The following THRAP3 variants were observed in gnomAD, a reference collection of about 807,000 sequenced individuals.
THRAP3 encodes thyroid hormone receptor associated protein 3, also known as thyroid hormone receptor-associated protein 3.
In THRAP3, 16 loss-of-function variants were observed where a neutral mutation model predicts 101.0. That is an observed-to-expected ratio of 0.16 (90% CI 0.11 to 0.24). The LOEUF (loss-of-function observed/expected upper bound fraction) is 0.24. THRAP3 is among the 10% of genes least tolerant of loss of function. The pLI is 1.00. For missense variants in THRAP3, 989 were observed against 1,202.7 expected (o/e 0.82, Z 2.63); for synonymous variants, 407 against 422.6 (o/e 0.96, Z 0.45).
intron 1 of THRAP3, among the ~76,000 whole-genome samples, chr1:36,247,508 T>G (rs1175415392): frequency 6.6e-6 from 1 of 151,914 alleles, no homozygotes; most frequent in Non-Finnish European, 1.5e-5. Flanking sequence ...GTATTTTTAG[T>G]AAAGATGGGG....
rs1645807106 is a variant in THRAP3, at chr1:36,287,148, T to A, written c.918T>A (p.Ser306=). 5.6e-6 allele frequency: 9 copies of A among 1,614,102 alleles called. No homozygotes were observed. The highest frequency in any genetic ancestry group is 3.4e-6 in the Non-Finnish European group (4 of 1,180,054). The change falls in exon 4 of 12, where the codon TCT becomes TCA. Residue 306 remains serine, a synonymous_variant. Transcript: ENST00000354618. ...ACCAAGGTCAGTTCGACCATGGTTC[T>A]GGGTCCCTGAGTCCATCCAAAAAGA... is the stretch of plus-strand genomic sequence containing the variant. ...GTHQGQFDHG[S]GSLSPSKKSP... is the part of the protein sequence containing the mutation.
chr1:36,291,352 C>G (rs190134139), intron 5 of THRAP3, 22 bp from the exon 6 acceptor site: 1 of 1,609,366 alleles, frequency 6.2e-7, no homozygotes, highest in East Asian at 2.2e-5. Context: ...TCTAATTGGG[C>G]CTCCCCATAT....
chr1:36,284,135 A>T (rs182537589), intron 3 of THRAP3, among the ~76,000 whole-genome samples: 4 of 152,350 alleles, frequency 2.6e-5, no homozygotes, highest in Admixed American at 2.6e-4. Flanking sequence ...AGGCTATGCA[A>T]CCAAAACTGA....
chr1:36,255,606 TAAAAATACAA>T (rs1049661790), intron 1 of THRAP3, among the ~76,000 whole-genome samples: 1 of 151,140 alleles, frequency 6.6e-6, no homozygotes, highest in Admixed American at 6.6e-5. Context: ...CTGTCTCTAC[TAAAAATACAA>T]AAAAAAAATA....
intron 1 of THRAP3, among the ~76,000 whole-genome samples, chr1:36,226,135 G>A (rs1439070986): frequency 1.3e-5 from 2 of 152,100 alleles, no homozygotes; most frequent in Non-Finnish European, 2.9e-5. Context: ...TGCAAAATAT[G>A]GATTACAAAA....
chr1:36,303,537 AATC>A (rs1440276383), intron 11 of THRAP3, among the ~76,000 whole-genome samples: 3 of 152,154 alleles, frequency 2.0e-5, no homozygotes, highest in African/African-American at 2.4e-5. Context: ...TTGCTCAGTG[AATC>A]ATCATCATTG....
the THRAP3 span, among the ~76,000 whole-genome samples, chr1:36,212,482 G>A: frequency 6.8e-6 from 1 of 146,914 alleles, no homozygotes. Flanking sequence ...GTGCAGTGGC[G>A]CGATCTCGGC....
At chr1:36,261,558 A>G (rs1332916375) in intron 2 of THRAP3, among the ~76,000 whole-genome samples, 1 of 152,072 alleles carries the variant, frequency 6.6e-6, no homozygotes, top group Non-Finnish European at 1.5e-5. Flanking sequence ...AAAATAAAAA[A>G]TTAGAGCCAT....
the THRAP3 span, among the ~76,000 whole-genome samples, chr1:36,219,277 C>T: frequency 9.2e-5 from 14 of 152,014 alleles, no homozygotes; most frequent in African/African-American, 1.7e-4. Context: ...GAGTTTGGTT[C>T]GTGAGGTTTA....
At chr1:36,214,050 GA>G in the THRAP3 span, among the ~76,000 whole-genome samples, 1,059 of 124,664 alleles carry the variant, frequency 8.5e-3, 9 homozygotes, top group Middle Eastern at 0.024. Context: ...AAGAAAGAAA[GA>G]AAGAAAGAAA....
At chr1:36,249,217 G>A (rs1275210217) in intron 1 of THRAP3, among the ~76,000 whole-genome samples, 1 of 127,986 alleles carries the variant, frequency 7.8e-6, no homozygotes, top group Non-Finnish European at 1.6e-5. Context: ...TTTTTGAGAT[G>A]GAGTCTCGCT....
At position 36,292,647 on chromosome 1, in the gene THRAP3, A is replaced by G. The variant is rs763796522; in HGVS notation, c.1968A>G (p.Lys656=). Residue 656 remains lysine (K), a synonymous_variant, in exon 7 of 12, where the codon AAA becomes AAG. Transcript: ENST00000354618. ...SGMTLHERFT[K]YLKRGTEQEA... is the part of the protein sequence containing the mutation. ...TGACATTACATGAACGCTTTACTAA[A>G]TACCTAAAGAGAGGAACTGAGCAGG... The G allele has an allele frequency of 6.2e-7, 1 of 1,613,862 alleles. No homozygotes were observed. The highest frequency in any genetic ancestry group is 8.5e-7 in the Non-Finnish European group (1 of 1,179,908).
intron 2 of THRAP3, among the ~76,000 whole-genome samples, chr1:36,268,268 T>G (rs1389845303): frequency 6.6e-6 from 1 of 152,024 alleles, no homozygotes; most frequent in Non-Finnish European, 1.5e-5. Context: ...TCTGTGCAGT[T>G]TAGTATGAAT....
chr1:36,274,068 TGTGTGTGTCACACACA>T (rs1205786742), intron 2 of THRAP3, among the ~76,000 whole-genome samples: 4 of 29,032 alleles, frequency 1.4e-4, no homozygotes, highest in African/African-American at 2.0e-4. Context: ...ACTGTGTGTG[TGTGTGTGTCACACACA>T]CACACACACA....
At chr1:36,222,111 C>T (rs938812785), upstream of THRAP3, among the ~76,000 whole-genome samples, 1 of 152,044 alleles carries the variant, frequency 6.6e-6, no homozygotes, top group Non-Finnish European at 1.5e-5. Context: ...TGCGCCTGGC[C>T]TTGGTCTCAA....
At chr1:36,288,345 C>T (rs1273154396) in intron 4 of THRAP3, 2 of 963,068 alleles carry the variant, frequency 2.1e-6, no homozygotes, top group African/African-American at 3.5e-5. Flanking sequence ...TTCATTATGT[C>T]ATTCTTATGC....
chr1:36,252,244 G>A (rs1645310087), intron 1 of THRAP3, among the ~76,000 whole-genome samples: 1 of 152,164 alleles, frequency 6.6e-6, no homozygotes. Flanking sequence ...TCCTGCCTCA[G>A]CTGCCCAAGC....
the THRAP3 span, among the ~76,000 whole-genome samples, chr1:36,210,854 T>C: frequency 1.4e-5 from 2 of 146,788 alleles, no homozygotes; most frequent in African/African-American, 5.0e-5. Flanking sequence ...GTGATGCCTG[T>C]GATCCATCCA....
At chr1:36,288,801 T>C (rs1221768598) in intron 4 of THRAP3, 3 of 985,318 alleles carry the variant, frequency 3.0e-6, no homozygotes, top group Non-Finnish European at 3.6e-6. Flanking sequence ...AAATAACTTT[T>C]GTTGTTCTCT....
Sources: gnomAD v4.1 joint callset for allele counts (sites outside exome capture counted in the v4.1 genomes callset) on GRCh38, gnomAD v4.1.1 for gene constraint, MANE v1.5 for transcripts, NCBI Gene and HGNC (gene_info 2026-07-23, HGNC 2026-07-21) for gene names.